CTNNA3: variants seen among roughly 807,000 people sequenced by gnomAD.
CTNNA3 encodes the protein catenin alpha 3.
In CTNNA3, 76 loss-of-function variants were observed where a neutral mutation model predicts 95.7. The ratio of observed to expected loss-of-function variants is 0.79; its 90% CI spans 0.66 to 0.96. CTNNA3 has a LOEUF of 0.96. Among genes scored for constraint, CTNNA3 ranks in the 40% least tolerant of loss-of-function variants. CTNNA3 has a pLI of 0.00. For synonymous variants in CTNNA3, 431 were observed against 374.4 expected, an observed-to-expected ratio of 1.15 and a Z score of -1.74; for missense variants, 1,191 against 1,089.8, an observed-to-expected ratio of 1.09 and a Z score of -1.31.
At chr10:66,365,019 A>G (rs1038557836) in intron 12 of CTNNA3, among the ~76,000 whole-genome samples, 2 of 152,296 alleles carry the variant, frequency 1.3e-5, no homozygotes, top group African/African-American at 2.4e-5. Flanking sequence ...TAATATATAC[A>G]TTTACTGTAT....
At chr10:67,109,262 GA>G (rs1469320546) in intron 7 of CTNNA3, among the ~76,000 whole-genome samples, 1 of 152,062 alleles carries the variant, frequency 6.6e-6, no homozygotes, top group East Asian at 1.9e-4. Flanking sequence ...AAAAAGTAGG[GA>G]AAAAATTACT....
intron 5 of CTNNA3, among the ~76,000 whole-genome samples, chr10:67,303,017 G>A (rs763167757): frequency 6.6e-6 from 1 of 152,154 alleles, no homozygotes; most frequent in African/African-American, 2.4e-5. Flanking sequence ...GACCTCACCC[G>A]AGACCTATTA....
At chr10:66,625,045 T>G (rs1188407504) in intron 9 of CTNNA3, among the ~76,000 whole-genome samples, 1 of 152,182 alleles carries the variant, frequency 6.6e-6, no homozygotes, top group African/African-American at 2.4e-5. Flanking sequence ...AAAATGTTCT[T>G]TCATTTTTAT....
chr10:66,683,589 G>A (rs148859581), intron 9 of CTNNA3, among the ~76,000 whole-genome samples: 1 of 152,198 alleles, frequency 6.6e-6, no homozygotes, highest in Non-Finnish European at 1.5e-5. Context: ...TGTTTGACAG[G>A]CAAAAATACT....
chr10:67,462,974 G>A (rs968688277), intron 5 of CTNNA3, among the ~76,000 whole-genome samples: 2 of 149,628 alleles, frequency 1.3e-5, no homozygotes, highest in Admixed American at 6.7e-5. Context: ...ACATGACCTC[G>A]GCTCACTGCA....
At chr10:66,505,233 G>T (rs986738028) in intron 11 of CTNNA3, among the ~76,000 whole-genome samples, 4 of 152,094 alleles carry the variant, frequency 2.6e-5, no homozygotes, top group African/African-American at 9.7e-5. Flanking sequence ...ATAAATTCCA[G>T]TTGACATGCC....
At chr10:66,003,727 T>G (rs536443653) in intron 15 of CTNNA3, among the ~76,000 whole-genome samples, 5 of 152,326 alleles carry the variant, frequency 3.3e-5, no homozygotes, top group East Asian at 1.9e-4. Context: ...TAATATTTTT[T>G]TGTGTGATTT....
chr10:67,400,568 T>A (rs1302078092), intron 5 of CTNNA3, among the ~76,000 whole-genome samples: 1 of 152,178 alleles, frequency 6.6e-6, no homozygotes, highest in Non-Finnish European at 1.5e-5. Context: ...CTTTGTTTGG[T>A]AATCAAAGGC....
intron 13 of CTNNA3, among the ~76,000 whole-genome samples, chr10:66,184,144 C>G (rs1294818977): frequency 2.0e-5 from 3 of 151,648 alleles, no homozygotes; most frequent in Admixed American, 2.0e-4. Flanking sequence ...TTAAAAAATA[C>G]AAAAATTAGC....
chr10:66,935,586 C>A (rs559597596), intron 7 of CTNNA3, among the ~76,000 whole-genome samples: 1 of 151,652 alleles, frequency 6.6e-6, no homozygotes, highest in African/African-American at 2.4e-5. Context: ...ATATTACATA[C>A]GTATTTGTAT....
intron 7 of CTNNA3, among the ~76,000 whole-genome samples, chr10:66,982,387 C>A (rs1850492162): frequency 6.6e-6 from 1 of 152,152 alleles, no homozygotes; most frequent in African/African-American, 2.4e-5. Context: ...AAGTTACTAA[C>A]TTCTCTAAAT....
intron 9 of CTNNA3, among the ~76,000 whole-genome samples, chr10:66,712,590 T>C (rs886288838): frequency 4.0e-5 from 6 of 149,500 alleles, no homozygotes; most frequent in Non-Finnish European, 8.8e-5. Context: ...TCACTCTCTC[T>C]CCCTCTCTCT....
intron 5 of CTNNA3, among the ~76,000 whole-genome samples, chr10:67,360,416 G>GAAAAAAA (rs74859730): frequency 5.0e-5 from 5 of 99,280 alleles, no homozygotes; most frequent in Middle Eastern, 5.3e-3. Context: ...GAGCAAGCAG[G>GAAAAAAA]AAAAAAAAAA....
At chr10:67,757,803 T>C (rs1025607551) in intron 1 of CTNNA3, among the ~76,000 whole-genome samples, 29 of 152,326 alleles carry the variant, frequency 1.9e-4, no homozygotes, top group African/African-American at 6.7e-4. Context: ...CGTGGGACTT[T>C]ACCTTCTGAT....
At chr10:67,344,026 G>T (rs1842320346) in intron 5 of CTNNA3, among the ~76,000 whole-genome samples, 1 of 149,178 alleles carries the variant, frequency 6.7e-6, no homozygotes, top group East Asian at 2.0e-4. Context: ...GGTTTTTTAG[G>T]GTTTTTATCA....
At chr10:66,465,436 T>C (rs940145084) in intron 11 of CTNNA3, among the ~76,000 whole-genome samples, 1 of 152,168 alleles carries the variant, frequency 6.6e-6, no homozygotes, top group African/African-American at 2.4e-5. Context: ...CTTTGACCCA[T>C]GCCATAAAAT....
chr10:66,137,559 A>G (rs571054167), intron 13 of CTNNA3, among the ~76,000 whole-genome samples: 1 of 152,330 alleles, frequency 6.6e-6, no homozygotes, highest in Admixed American at 6.5e-5. Context: ...CATATATTAA[A>G]TAATACAATA....
At chr10:66,148,248 T>A (rs929217998) in intron 13 of CTNNA3, among the ~76,000 whole-genome samples, 3 of 152,100 alleles carry the variant, frequency 2.0e-5, no homozygotes, top group Admixed American at 6.6e-5. Context: ...CTGTTTATAG[T>A]ATAGTATTGC....
intron 13 of CTNNA3, among the ~76,000 whole-genome samples, chr10:66,235,629 G>A (rs531693626): frequency 6.6e-5 from 10 of 152,044 alleles, no homozygotes; most frequent in South Asian, 2.1e-4. Flanking sequence ...TAGAATTTTC[G>A]TGGATAGTTC....
Sources: gnomAD v4.1 joint callset for allele counts (sites outside exome capture counted in the v4.1 genomes callset) on GRCh38, gnomAD v4.1.1 for gene constraint, MANE v1.5 for transcripts, NCBI Gene and HGNC (gene_info 2026-07-23, HGNC 2026-07-21) for gene names.